Variants in POC1B observed in about 807,000 individuals in gnomAD.
The protein encoded by POC1B is POC1 centriolar protein B.
POC1B carries 44 observed loss-of-function variants against 60.6 expected under a neutral mutation model. That is an observed-to-expected ratio of 0.73 (90% CI 0.57 to 0.93). The LOEUF (loss-of-function observed/expected upper bound fraction) is 0.93. Ranked by LOEUF, POC1B falls within the 40% of genes least tolerant of loss-of-function variation. The pLI is 0.00. For synonymous variants in POC1B, 180 were observed against 198.9 expected (o/e 0.90, Z 0.80); for missense variants, 555 against 572.3 (o/e 0.97, Z 0.31).
In POC1B at chr12:89,467,627, G is replaced by C; in HGVS notation, c.869C>G (p.Ala290Gly). Residue 290 changes from alanine (A) to glycine (G), a missense_variant, in exon 8 of 12, where the codon GCA (alanine) becomes GGA (glycine). By Grantham distance (60) the Ala-to-Gly change is moderately conservative (BLOSUM62 0). Transcript: ENST00000313546. Reference protein sequence around the residue: ...KGGELFASGGADTQVLLWRTN... With the variant: ...KGGELFASGGGDTQVLLWRTN... ...GAAAGATTTACAAACCTGTGTGTCTGCACCTCCTGATGCAAATAGCTCTCC... is the reference window on the plus strand; with the variant it reads ...GAAAGATTTACAAACCTGTGTGTCTCCACCTCCTGATGCAAATAGCTCTCC... 1 of 1,610,580 alleles carries C rather than the reference G, an allele frequency of 6.2e-7. No homozygotes were observed.
chr12:89,442,149 G>A (rs9795772), intron 10 of POC1B, among the ~76,000 whole-genome samples: 29,422 of 152,172 alleles, frequency 0.19, 3,264 homozygotes, highest in South Asian at 0.36. Flanking sequence ...GGAAAGTGAT[G>A]GGGAGAATGG....
intron 2 of POC1B, among the ~76,000 whole-genome samples, chr12:89,514,190 G>C (rs1008820276): frequency 2.6e-5 from 4 of 151,982 alleles, no homozygotes; most frequent in African/African-American, 9.7e-5. Context: ...TAGTGAGTGA[G>C]TTCTCACAAG....
rs559546360 is a variant in POC1B at position 89,463,611 on chromosome 12, G to A, written c.1032+3159C>T. 4.6e-5 allele frequency among the ~76,000 whole-genome samples: 7 copies of A among 152,308 alleles called. No homozygotes were observed. In the South Asian group the frequency reaches 1.5e-3, roughly 32 times the overall value. On this transcript the variant is annotated intron_variant, in intron 9 of 11. Coordinates refer to ENST00000313546, the MANE Select transcript of POC1B (RefSeq NM_172240.3). ...CTTCTTTCCCATCAAAAAAAAGAGAGAGAGGTACTGTTCTCATGTTTTTAA... is the reference window on the plus strand; with the variant it reads ...CTTCTTTCCCATCAAAAAAAAGAGAAAGAGGTACTGTTCTCATGTTTTTAA...
At position 89,501,459 on chromosome 12, in the gene POC1B, C is replaced by A; in HGVS notation, c.101-4117G>T. On this transcript the variant is annotated intron_variant, in intron 2 of 11. Coordinates refer to ENST00000313546, the MANE Select transcript of POC1B (RefSeq NM_172240.3). ...TACATATGTCACATATTACCCAAGA[C>A]AAATTTCAAAGAAATTCAGACAGAA... The A allele has an allele frequency of 3.0e-6, 3 of 984,984 alleles. No individual in the cohort carries two copies. In the East Asian group the frequency reaches 7.3e-5, roughly 24 times the overall value. The allele number at this position is 984,984 out of a possible 1,614,324, so 61.0% of individuals were successfully genotyped here.
intron 4 of POC1B, among the ~76,000 whole-genome samples, chr12:89,483,538 A>G (rs952719730): frequency 5.3e-5 from 8 of 151,988 alleles, no homozygotes; most frequent in African/African-American, 1.5e-4. Context: ...AAGGGCATAA[A>G]TCCCATTCAT....
chr12:89,436,672 A>G (rs1881280600), intron 10 of POC1B, among the ~76,000 whole-genome samples: 1 of 152,028 alleles, frequency 6.6e-6, no homozygotes, highest in Non-Finnish European at 1.5e-5. Context: ...CGAGATCGCT[A>G]TACTGTATTC....
chr12:89,459,177 T>G (rs1344685), intron 10 of POC1B, among the ~76,000 whole-genome samples: 79,322 of 151,472 alleles, frequency 0.52, 21,130 homozygotes, highest in African/African-American at 0.61. Flanking sequence ...CGTGAGACAG[T>G]GGGTATGGAT....
At chr12:89,408,311 G>T in the POC1B span, among the ~76,000 whole-genome samples, 5 of 152,018 alleles carry the variant, frequency 3.3e-5, no homozygotes, top group East Asian at 1.9e-4. Context: ...TAATCCTGTG[G>T]GTATATACCC....
intron 4 of POC1B, among the ~76,000 whole-genome samples, chr12:89,483,867 CAAAT>C (rs1395533331): frequency 6.6e-6 from 1 of 152,116 alleles, no homozygotes; most frequent in African/African-American, 2.4e-5. Context: ...TGGATCTACA[CAAAT>C]GAATAAAGAA....
intron 2 of POC1B, among the ~76,000 whole-genome samples, chr12:89,518,585 A>G (rs1870591995): frequency 6.6e-6 from 1 of 152,160 alleles, no homozygotes; most frequent in Admixed American, 6.5e-5. Context: ...CAACATTTGC[A>G]CAACTTTTAT....
chr12:89,418,849 C>A (rs1880417763), downstream of POC1B, among the ~76,000 whole-genome samples: 1 of 152,134 alleles, frequency 6.6e-6, no homozygotes, highest in African/African-American at 2.4e-5. Context: ...GCCAAATACA[C>A]CTCTTTTCTT....
chr12:89,445,453 C>A (rs1166926769), intron 10 of POC1B, among the ~76,000 whole-genome samples: 1 of 152,136 alleles, frequency 6.6e-6, no homozygotes, highest in African/African-American at 2.4e-5. Flanking sequence ...GATACTACCA[C>A]ACATCTACCA....
At chr12:89,500,111 G>A (rs540654545) in intron 2 of POC1B, 20 of 1,473,038 alleles carry the variant, frequency 1.4e-5, no homozygotes, top group Non-Finnish European at 1.8e-5. Flanking sequence ...GTCGGGTCTG[G>A]ATCATCTCAA....
intron 9 of POC1B, among the ~76,000 whole-genome samples, chr12:89,464,000 A>G (rs889340827): frequency 2.6e-5 from 4 of 152,236 alleles, no homozygotes; most frequent in African/African-American, 9.6e-5. Flanking sequence ...AAAACATAAT[A>G]CAAATCATAA....
chr12:89,405,925 C>T, the POC1B span, among the ~76,000 whole-genome samples: 1 of 150,668 alleles, frequency 6.6e-6, no homozygotes, highest in Non-Finnish European at 1.5e-5. Flanking sequence ...TGCCACTGCA[C>T]TCCCACCTGG....
chr12:89,501,981 T>C, intron 2 of POC1B: 1 of 977,862 alleles, frequency 1.0e-6, no homozygotes, highest in Admixed American at 1.7e-5. Flanking sequence ...CAGACTTGGC[T>C]AAGAGGAAAA....
At chr12:89,407,358 A>G in the POC1B span, among the ~76,000 whole-genome samples, 1 of 151,562 alleles carries the variant, frequency 6.6e-6, no homozygotes, top group Non-Finnish European at 1.5e-5. Flanking sequence ...TCAGCCTCCC[A>G]AGTAGCTGGG....
intron 3 of POC1B, 169 bp downstream of exon 3, chr12:89,497,002 T>G: frequency 1.4e-6 from 1 of 695,814 alleles, no homozygotes; most frequent in Non-Finnish European, 2.3e-6. Context: ...AGACATAATT[T>G]TGAGGAAAAA....
intron 11 of POC1B, 44 bp from the exon 12 acceptor site, chr12:89,421,301 G>A: frequency 6.9e-7 from 1 of 1,455,988 alleles, no homozygotes; most frequent in Non-Finnish European, 9.5e-7. Context: ...GTCCTCTGGT[G>A]GTGAGGATGA....
Sources: gnomAD v4.1 joint callset for allele counts (sites outside exome capture counted in the v4.1 genomes callset) on GRCh38, gnomAD v4.1.1 for gene constraint, MANE v1.5 for transcripts, NCBI Gene and HGNC (gene_info 2026-07-23, HGNC 2026-07-21) for gene names.